The following TENM4 variants were observed in gnomAD, a reference collection of about 807,000 sequenced individuals.
The protein encoded by TENM4 is teneurin transmembrane protein 4, also known as teneurin-4.
Under a neutral mutation model 243.3 loss-of-function variants are expected in TENM4, and 82 were observed. The ratio of observed to expected loss-of-function variants is 0.34; its 90% CI spans 0.28 to 0.40. The LOEUF (loss-of-function observed/expected upper bound fraction) is 0.40. Among genes scored for constraint, TENM4 ranks in the 10% least tolerant of loss-of-function variants. TENM4 has a pLI of 1.00. For synonymous variants in TENM4, 1,412 were observed against 1,456.3 expected (o/e 0.97, Z 0.69); for missense variants, 3,138 against 3,673.3 (o/e 0.85, Z 3.77).
rs192470003 is a variant in TENM4 at position 79,043,077 on chromosome 11, A to T, written c.493+21661T>A. ...GCTAGACTGCCAGCAATCCCACCCC[A>T]CTCTGGGATATTCCAGTAAATGGCT... On this transcript the variant is annotated intron_variant, in intron 6 of 33. Transcript: ENST00000278550. Among the ~76,000 whole-genome samples, 64 of 152,110 alleles carry T rather than the reference A, an allele frequency of 4.2e-4. No individual in the cohort carries two copies. The Middle Eastern group carries it at 0.014, about 32-fold the overall frequency.
At chr11:78,874,579 A>G (rs1859218524) in intron 9 of TENM4, among the ~76,000 whole-genome samples, 1 of 152,226 alleles carries the variant, frequency 6.6e-6, no homozygotes, top group African/African-American at 2.4e-5. Flanking sequence ...AGAAAAGAAG[A>G]ATTTTCAGCT....
intron 4 of TENM4, among the ~76,000 whole-genome samples, chr11:79,075,506 A>G (rs142377296): frequency 1.9e-4 from 29 of 152,362 alleles, no homozygotes; most frequent in Middle Eastern, 3.4e-3. Context: ...CATTACTGTC[A>G]ATGCCATCAT....
intron 30 of TENM4, among the ~76,000 whole-genome samples, chr11:78,673,147 T>C (rs367987972): frequency 6.6e-6 from 1 of 151,912 alleles, no homozygotes; most frequent in Admixed American, 6.6e-5. Flanking sequence ...CAGCACACAG[T>C]TCAATTTCCT....
chr11:79,222,568 T>C (rs1185613801), intron 2 of TENM4, among the ~76,000 whole-genome samples: 1 of 152,226 alleles, frequency 6.6e-6, no homozygotes, highest in Non-Finnish European at 1.5e-5. Flanking sequence ...TCTAGATCCT[T>C]GAAGAATTGC....
intron 6 of TENM4, among the ~76,000 whole-genome samples, chr11:78,975,515 A>G (rs1015365622): frequency 3.3e-5 from 5 of 151,986 alleles, no homozygotes; most frequent in African/African-American, 1.2e-4. Flanking sequence ...TGGGCTCTGC[A>G]CTTTGGTACT....
chr11:78,730,025 A>G (rs980377078), intron 21 of TENM4, among the ~76,000 whole-genome samples: 2 of 152,198 alleles, frequency 1.3e-5, no homozygotes, highest in South Asian at 4.1e-4. Context: ...TGAGAGGAAT[A>G]CATAGGATAT....
chr11:78,805,375 T>G lies in TENM4; in HGVS notation c.2096A>C (p.Gln699Pro), dbSNP rs763710670. 10 of 1,508,640 alleles carry G rather than the reference T, an allele frequency of 6.6e-6. No homozygotes were observed. Among genetic ancestry groups the G allele is most frequent in the Admixed American group, 5.9e-5 (3 of 51,222 alleles). The allele number at this position is 1,508,640 out of a possible 1,614,324, so 93.5% of individuals were successfully genotyped here. The part of the protein sequence containing the change: ...CETPRATCLD[Q>P]CSGHGTFLPD... ...GAGGAAGGTTCCGTGGCCTGAACAC[T>G]GGTCTAAGCATGTGGCCCTGGGGGT... Residue 699 changes from glutamine (Q) to proline (P), a missense_variant, in exon 15 of 34, where the codon CAG (glutamine) becomes CCG (proline). Coordinates refer to ENST00000278550, the MANE Select transcript of TENM4 (RefSeq NM_001098816.3).
chr11:79,264,821 G>T (rs752180757), intron 2 of TENM4, among the ~76,000 whole-genome samples: 4 of 152,210 alleles, frequency 2.6e-5, no homozygotes, highest in African/African-American at 2.4e-5. Flanking sequence ...GGTGATTCTA[G>T]AACATAAGCA....
At chr11:78,711,609 T>C (rs1859398292) in intron 26 of TENM4, among the ~76,000 whole-genome samples, 1 of 152,136 alleles carries the variant, frequency 6.6e-6, no homozygotes. Flanking sequence ...ACCTAGGAGG[T>C]AGACACGGAT....
intron 1 of TENM4, among the ~76,000 whole-genome samples, chr11:79,337,028 CA>C (rs1377759699): frequency 6.6e-6 from 1 of 152,224 alleles, no homozygotes; most frequent in Non-Finnish European, 1.5e-5. Context: ...GCCGAGGGGA[CA>C]AGGAGGTTAC....
At chr11:78,747,282 G>A (rs1255466528) in intron 19 of TENM4, among the ~76,000 whole-genome samples, 1 of 152,194 alleles carries the variant, frequency 6.6e-6, no homozygotes, top group Admixed American at 6.5e-5. Context: ...AGGGATGGGA[G>A]CCTGTCAAAA....
intron 19 of TENM4, among the ~76,000 whole-genome samples, chr11:78,755,432 G>T (rs1856283907): frequency 6.6e-6 from 1 of 152,182 alleles, no homozygotes; most frequent in Admixed American, 6.5e-5. Context: ...GCCTCCCAGG[G>T]TGTTGGGATT....
At chr11:79,327,772 C>T (rs1034898405) in intron 1 of TENM4, among the ~76,000 whole-genome samples, 1 of 151,524 alleles carries the variant, frequency 6.6e-6, no homozygotes, top group African/African-American at 2.4e-5. Flanking sequence ...GATCTGAATC[C>T]TGGTACCTCA....
At chr11:79,415,919 C>T (rs1858803352) in intron 1 of TENM4, among the ~76,000 whole-genome samples, 1 of 151,980 alleles carries the variant, frequency 6.6e-6, no homozygotes, top group African/African-American at 2.4e-5. Flanking sequence ...CCAGGCAACC[C>T]CTGACCTGCT....
intron 7 of TENM4, among the ~76,000 whole-genome samples, chr11:78,899,571 G>GGGGAAAAA (rs1565430077): frequency 1.3e-5 from 1 of 79,378 alleles, no homozygotes; most frequent in Non-Finnish European, 2.7e-5. Context: ...GGGGGGGGGG[G>GGGGAAAAA]AAAAAGAAAA....
intron 6 of TENM4, among the ~76,000 whole-genome samples, chr11:79,019,255 C>A (rs538295584): frequency 2.6e-5 from 4 of 152,270 alleles, no homozygotes; most frequent in African/African-American, 9.6e-5. Flanking sequence ...TAGAGGACGG[C>A]AGCAAGGCAG....
intron 1 of TENM4, among the ~76,000 whole-genome samples, chr11:79,337,936 C>T (rs985148946): frequency 4.6e-5 from 7 of 152,190 alleles, no homozygotes; most frequent in African/African-American, 1.7e-4. Context: ...AGATCAGGGT[C>T]CTTCCTCCAT....
At chr11:79,377,123 C>T (rs1175102961) in intron 1 of TENM4, among the ~76,000 whole-genome samples, 1 of 152,180 alleles carries the variant, frequency 6.6e-6, no homozygotes, top group Non-Finnish European at 1.5e-5. Flanking sequence ...GTTTGGAGTA[C>T]TGTGGCCACA....
chr11:79,431,428 C>T (rs1859166929), intron 1 of TENM4, among the ~76,000 whole-genome samples: 1 of 152,172 alleles, frequency 6.6e-6, no homozygotes, highest in Admixed American at 6.6e-5. Context: ...TAAATTTTCT[C>T]TGCCCATCTC....
Sources: allele counts gnomAD v4.1 joint callset (sites outside exome capture counted in the v4.1 genomes callset), GRCh38; gene constraint gnomAD v4.1.1; transcripts MANE v1.5; gene names NCBI Gene and HGNC (gene_info 2026-07-23, HGNC 2026-07-21).